WRN: variants seen among roughly 807,000 people sequenced by gnomAD.
WRN encodes the protein WRN RecQ like helicase, also known as bifunctional 3'-5' exonuclease/ATP-dependent helicase WRN.
In WRN, 149 loss-of-function variants were observed where a neutral mutation model predicts 180.7. The ratio of observed to expected loss-of-function variants is 0.82; its 90% CI spans 0.72 to 0.94. The LOEUF (loss-of-function observed/expected upper bound fraction) is 0.94, where lower values mean the gene tolerates loss of function less well. Ranked by LOEUF, WRN falls within the 40% of genes least tolerant of loss-of-function variation. The pLI is 0.00. For synonymous variants in WRN, 548 were observed against 568.9 expected, an observed-to-expected ratio of 0.96 and a Z score of 0.52; for missense variants, 1,661 against 1,700.1, an observed-to-expected ratio of 0.98 and a Z score of 0.40.
intron 5 of WRN, among the ~76,000 whole-genome samples, chr8:31,066,644 C>T (rs965492068): frequency 4.0e-5 from 6 of 151,346 alleles, no homozygotes; most frequent in African/African-American, 1.2e-4. Flanking sequence ...TCTTGTGATA[C>T]GGTGCTCTTA....
At chr8:31,091,938 T>TG in intron 16 of WRN, 40 bp downstream of exon 16, 1 of 1,589,256 alleles carries the variant, frequency 6.3e-7, no homozygotes, top group South Asian at 1.1e-5. Context: ...TTTGGATTTA[T>TG]GGGGGTGCAT....
intron 30 of WRN, among the ~76,000 whole-genome samples, chr8:31,149,631 C>T (rs1803033548): frequency 6.6e-6 from 1 of 151,242 alleles, no homozygotes; most frequent in Non-Finnish European, 1.5e-5. Flanking sequence ...CGCGCTGCCA[C>T]CCCCGGCTAA....
intron 20 of WRN, chr8:31,119,924 C>T (rs943491764): frequency 1.3e-5 from 4 of 307,758 alleles, no homozygotes; most frequent in Non-Finnish European, 2.5e-5. Context: ...ACGCTTGAAA[C>T]TTCATTATAA....
chr8:31,127,034 G>A (rs1585493316), intron 23 of WRN, among the ~76,000 whole-genome samples: 1 of 152,166 alleles, frequency 6.6e-6, no homozygotes, highest in African/African-American at 2.4e-5. Flanking sequence ...CAGTGAATTA[G>A]ATAACCTGCA....
At chr8:31,168,928 T>G (rs1804000059) in intron 34 of WRN, among the ~76,000 whole-genome samples, 1 of 152,212 alleles carries the variant, frequency 6.6e-6, no homozygotes, top group Admixed American at 6.5e-5. Flanking sequence ...AGGTGATGTC[T>G]TGGCATTGAT....
chr8:31,038,193 C>G (rs1039268517), intron 1 of WRN, among the ~76,000 whole-genome samples: 1 of 151,964 alleles, frequency 6.6e-6, no homozygotes, highest in Non-Finnish European at 1.5e-5. Flanking sequence ...TCCATGGGAG[C>G]AGTGTACAAG....
rs771126045 is a variant in WRN, at chr8:31,087,871, A to C, written c.1527A>C (p.Glu509Asp). Residue 509 changes from glutamate (E) to aspartate (D), a missense_variant, in exon 12 of 35, where the codon GAA (glutamate) becomes GAC (aspartate). Transcript: ENST00000298139. ...RNLGLPTKEE[E>D]EDDENEANEG... Reference sequence around the variant, plus strand: ...TGGGTCTTCCTACTAAAGAAGAAGAAGAAGATGATGAAAATGAAGCTAATG... The same window carrying C: ...TGGGTCTTCCTACTAAAGAAGAAGACGAAGATGATGAAAATGAAGCTAATG... 1.2e-6 allele frequency: 2 copies of C among 1,613,758 alleles called. No homozygotes were observed. Among genetic ancestry groups the C allele is most frequent in the Non-Finnish European group, 1.7e-6 (2 of 1,179,800 alleles).
intron 1 of WRN, among the ~76,000 whole-genome samples, chr8:31,044,203 G>A (rs979402974): frequency 6.7e-5 from 10 of 150,244 alleles, no homozygotes; most frequent in Admixed American, 4.6e-4. Context: ...CGCCACACCC[G>A]GCTAATTTTT....
At chr8:31,172,111 C>T (rs1804121828) in intron 34 of WRN, among the ~76,000 whole-genome samples, 1 of 151,686 alleles carries the variant, frequency 6.6e-6, no homozygotes, top group Admixed American at 6.6e-5. Flanking sequence ...TTTTCATGTG[C>T]AGATGGTATT....
intron 1 of WRN, among the ~76,000 whole-genome samples, chr8:31,046,707 A>G (rs1811877821): frequency 6.6e-6 from 1 of 152,216 alleles, no homozygotes. Flanking sequence ...AGTAAGAATA[A>G]TAGAAGCCAT....
intron 1 of WRN, among the ~76,000 whole-genome samples, chr8:31,053,233 C>T (rs1009040072): frequency 4.6e-5 from 7 of 152,040 alleles, no homozygotes; most frequent in Non-Finnish European, 8.8e-5. Context: ...ATACAAGGTA[C>T]TATGGAAAAA....
At chr8:31,056,517 C>T (rs929952887) in intron 1 of WRN, among the ~76,000 whole-genome samples, 5 of 152,158 alleles carry the variant, frequency 3.3e-5, no homozygotes, top group Non-Finnish European at 5.9e-5. Context: ...TTGTACCCAT[C>T]GGCAAACTTT....
At chr8:31,159,545 A>T (rs986235276) in intron 33 of WRN, among the ~76,000 whole-genome samples, 2 of 152,164 alleles carry the variant, frequency 1.3e-5, no homozygotes, top group Non-Finnish European at 2.9e-5. Flanking sequence ...TAAAAAAATT[A>T]TAATAAAATC....
intron 7 of WRN, among the ~76,000 whole-genome samples, chr8:31,073,353 A>G (rs1812979405): frequency 6.6e-6 from 1 of 152,210 alleles, no homozygotes; most frequent in Admixed American, 6.5e-5. Context: ...ATTCCCTGTA[A>G]GGGGTGAGAT....
chr8:31,064,441 A>G lies in WRN; in HGVS notation c.355+7A>G. Reference sequence around the variant, plus strand: ...CACGTTTCTTCCATGTCAGGTTGGTATCTCTACATTTCATTTTTATATGGC... The same window carrying G: ...CACGTTTCTTCCATGTCAGGTTGGTGTCTCTACATTTCATTTTTATATGGC... On this transcript the variant is annotated splice_region_variant and intron_variant, in intron 4 of 34. Transcript: ENST00000298139. 6.2e-7 allele frequency: 1 copy of G among 1,614,036 alleles called. No homozygotes were observed. Among genetic ancestry groups the G allele is most frequent in the Non-Finnish European group, 8.5e-7 (1 of 1,179,966 alleles).
At chr8:31,034,445 G>C (rs1811367954) in intron 1 of WRN, among the ~76,000 whole-genome samples, 1 of 152,112 alleles carries the variant, frequency 6.6e-6, no homozygotes, top group South Asian at 2.1e-4. Context: ...GGTTTGATAT[G>C]AAAAATACTA....
At chr8:31,036,298 C>G (rs970038324) in intron 1 of WRN, among the ~76,000 whole-genome samples, 3 of 152,122 alleles carry the variant, frequency 2.0e-5, no homozygotes, top group Non-Finnish European at 4.4e-5. Context: ...CATATTCTGG[C>G]TATTGTTGAA....
At chr8:31,143,460 T>A (rs1454335344) in intron 27 of WRN, 90 bp from the exon 28 acceptor site, 1 of 864,630 alleles carries the variant, frequency 1.2e-6, no homozygotes, top group Non-Finnish European at 1.8e-6. Context: ...AAGAAAAAAT[T>A]GTGATTTTGA....
Position 31,124,590 on chromosome 8 carries a change from A to G in WRN, c.2699A>G (p.Glu900Gly). 1 of 1,612,678 alleles carries G rather than the reference A, an allele frequency of 6.2e-7. No homozygotes were observed. The highest frequency in any genetic ancestry group is 8.5e-7 in the Non-Finnish European group (1 of 1,178,944). Residue 900 changes from glutamate (E) to glycine (G), a missense_variant, in exon 22 of 35, where the codon GAA (glutamate) becomes GGA (glycine). Around this residue, in one of 3 missense-constraint regions of WRN, gnomAD observed 1,141 missense variants for 1,149.4 expected, o/e 0.99. Transcript: ENST00000298139. ...AAATTAAAGATGATGGCAAAGATGG[A>G]AAAATATCTTCATTCTAGCAGATGT... ...LYKLKMMAKMEKYLHSSRCRR... is the reference protein window; with the variant it reads ...LYKLKMMAKMGKYLHSSRCRR...
Sources: allele counts gnomAD v4.1 joint callset (sites outside exome capture counted in the v4.1 genomes callset), GRCh38; gene constraint gnomAD v4.1.1; regional missense constraint gnomAD v4.1.1; transcripts MANE v1.5; gene names NCBI Gene and HGNC (gene_info 2026-07-23, HGNC 2026-07-21).